DUS2: variants seen among roughly 807,000 people sequenced by gnomAD.
DUS2 encodes dihydrouridine synthase 2.
In DUS2, 52 loss-of-function variants were observed where a neutral mutation model predicts 71.3. The ratio of observed to expected loss-of-function variants is 0.73; its 90% CI spans 0.58 to 0.92. DUS2 has a LOEUF of 0.92. DUS2 is among the 40% of genes least tolerant of loss of function. The pLI is 0.00. For synonymous variants in DUS2, 204 were observed against 227.8 expected (o/e 0.90, Z 0.94); for missense variants, 558 against 622.6 (o/e 0.90, Z 1.10).
At chr16:68,078,244 A>G (rs1335073519) in intron 15 of DUS2, 1 of 604,492 alleles carries the variant, frequency 1.7e-6, no homozygotes, top group Non-Finnish European at 3.0e-6. Flanking sequence ...GGTCTGTGAC[A>G]GCTCCAGACA....
chr16:68,039,931 G>A (rs7190079), intron 3 of DUS2, among the ~76,000 whole-genome samples: 19,075 of 152,084 alleles, frequency 0.13, 1,307 homozygotes, highest in South Asian at 0.19. Flanking sequence ...GTAGCCTGAG[G>A]TGGAGGAAGC....
intron 8 of DUS2, among the ~76,000 whole-genome samples, chr16:68,063,819 G>A (rs903141759): frequency 2.0e-4 from 31 of 152,260 alleles, no homozygotes; most frequent in Admixed American, 3.3e-4. Context: ...CACCTCCTGG[G>A]TTCAAGTGAT....
intron 12 of DUS2, among the ~76,000 whole-genome samples, chr16:68,072,526 A>G (rs1054759650): frequency 1.3e-5 from 2 of 152,256 alleles, no homozygotes; most frequent in African/African-American, 4.8e-5. Context: ...GCGGCTTTCA[A>G]GCATAGGCAG....
chr16:68,052,966 AT>A (rs531432284), intron 4 of DUS2, among the ~76,000 whole-genome samples: 244 of 123,792 alleles, frequency 2.0e-3, no homozygotes, highest in East Asian at 5.0e-3. Context: ...TTGTTTCAAC[AT>A]TTTTTTTTTT....
At chr16:68,055,028 C>A (rs957857138) in intron 6 of DUS2, among the ~76,000 whole-genome samples, 9 of 149,160 alleles carry the variant, frequency 6.0e-5, no homozygotes, top group Non-Finnish European at 1.2e-4. Flanking sequence ...GGTGACCAAG[C>A]GAGACTCTGT....
chr16:68,038,102 A>C lies in DUS2; in HGVS notation c.79A>C (p.Met27Leu), dbSNP rs774127544. Residue 27 changes from methionine (M) to leucine (L), a missense_variant, in exon 3 of 17, where the codon ATG becomes CTG. Physicochemically the swap from Met to Leu is conservative, Grantham distance 15 (BLOSUM62 2). Transcript: ENST00000565263. The part of the protein sequence containing the change: ...APMVRVGTLP[M>L]RLLALDYGAD... ...AATGGTTCGGGTAGGGACTCTTCCAATGAGGCTGCTGGCCCTGGATTATGG... is the reference window on the plus strand; with the variant it reads ...AATGGTTCGGGTAGGGACTCTTCCACTGAGGCTGCTGGCCCTGGATTATGG... 1 of 1,613,864 alleles carries C rather than the reference A, an allele frequency of 6.2e-7. No individual in the cohort carries two copies. The highest frequency in any genetic ancestry group is 1.7e-5 in the Admixed American group (1 of 59,972).
At chr16:68,025,621 A>T (rs1233233837) in intron 2 of DUS2, 127 bp downstream of exon 2, 1 of 152,100 alleles carries the variant, frequency 6.6e-6, no homozygotes, top group African/African-American at 2.4e-5. Context: ...ATTTCACAGG[A>T]GTTAGAGCTT....
intron 7 of DUS2, among the ~76,000 whole-genome samples, chr16:68,058,227 C>CTT (rs112592553): frequency 2.8e-4 from 39 of 139,568 alleles, no homozygotes; most frequent in East Asian, 2.5e-3. Flanking sequence ...TATCTTTGGG[C>CTT]TTTTTTTTTT....
chr16:68,056,331 A>T, intron 6 of DUS2, 33 bp from the exon 7 acceptor site: 1 of 1,595,648 alleles, frequency 6.3e-7, no homozygotes, highest in Non-Finnish European at 8.6e-7. Flanking sequence ...CTAATTCAAT[A>T]CTTATTACCT....
In DUS2 at chr16:68,070,920, A is replaced by G. The variant is rs369287995; in HGVS notation, c.642-20A>G. ...AGGTTCCGTGATGGGGACACCCCTA[A>G]CCCTCTGGTTGCTTTTTAGCGGAGG... On this transcript the variant is annotated intron_variant, in intron 11 of 16. Coordinates refer to ENST00000565263, the MANE Select transcript of DUS2 (RefSeq NM_017803.5). 1 of 1,613,324 alleles carries G rather than the reference A, an allele frequency of 6.2e-7. No individual in the cohort carries two copies. The highest frequency in any genetic ancestry group is 8.5e-7 in the Non-Finnish European group (1 of 1,179,316).
Position 68,023,288 on chromosome 16 carries a change from C to G in DUS2, c.-162C>G. Reference sequence around the variant, plus strand: ...GTACGGTGGCTGGCGAGGCTCAGTACGGTGTGTGGAGCTGGAGCACCGTGA... The same window carrying G: ...GTACGGTGGCTGGCGAGGCTCAGTAGGGTGTGTGGAGCTGGAGCACCGTGA... On this transcript the variant is annotated 5_prime_UTR_variant, in exon 1 of 17. Coordinates refer to ENST00000565263, the MANE Select transcript of DUS2 (RefSeq NM_017803.5). The G allele has an allele frequency of 4.1e-6, 6 of 1,452,352 alleles. No homozygotes were observed. The highest frequency in any genetic ancestry group is 5.6e-6 in the Non-Finnish European group (6 of 1,077,454). 90.0% of individuals were successfully genotyped at this position (1,452,352 alleles called of 1,614,324 possible).
chr16:68,059,111 G>A (rs981968306), intron 7 of DUS2, among the ~76,000 whole-genome samples: 6 of 152,122 alleles, frequency 3.9e-5, no homozygotes, highest in African/African-American at 1.2e-4. Flanking sequence ...TACTTGGGAG[G>A]CTGAGGCAGG....
chr16:68,064,022 T>C (rs1447455452), intron 8 of DUS2, among the ~76,000 whole-genome samples: 6 of 152,188 alleles, frequency 3.9e-5, no homozygotes, highest in Non-Finnish European at 8.8e-5. Context: ...TTGTGTACAC[T>C]GTACTTGGGC....
chr16:68,046,331 A>G (rs2033700434), intron 3 of DUS2, among the ~76,000 whole-genome samples: 1 of 151,328 alleles, frequency 6.6e-6, no homozygotes, highest in African/African-American at 2.4e-5. Flanking sequence ...TTTGCTTAGG[A>G]TAACGGCTGC....
chr16:68,026,921 T>A (rs1401424512), intron 2 of DUS2: 1 of 151,178 alleles, frequency 6.6e-6, no homozygotes, highest in Non-Finnish European at 1.5e-5. Flanking sequence ...ATGTTACCCT[T>A]TGACTCAAAA....
chr16:68,038,878 ATC>A (rs2033576967), intron 3 of DUS2, among the ~76,000 whole-genome samples: 2 of 149,804 alleles, frequency 1.3e-5, no homozygotes, highest in South Asian at 4.2e-4. Flanking sequence ...GTGAGACTCT[ATC>A]TCTTTTTTTA....
intron 2 of DUS2, among the ~76,000 whole-genome samples, chr16:68,036,019 T>C (rs59067210): frequency 0.013 from 1,892 of 149,434 alleles, 38 homozygotes; most frequent in African/African-American, 0.044. Context: ...TATTTTTAGA[T>C]GGAGTTTTCC....
At chr16:68,041,810 C>G (rs1263445492) in intron 3 of DUS2, among the ~76,000 whole-genome samples, 1 of 56,560 alleles carries the variant, frequency 1.8e-5, no homozygotes, top group Admixed American at 2.0e-4. Context: ...AACTCTGTGT[C>G]AAAAAAAAAA....
intron 3 of DUS2, among the ~76,000 whole-genome samples, chr16:68,041,571 G>T (rs567103213): frequency 6.6e-6 from 1 of 152,220 alleles, no homozygotes; most frequent in Non-Finnish European, 1.5e-5. Context: ...CCAGCACTTT[G>T]GGAGGCCGAG....
Sources: gnomAD v4.1 joint callset for allele counts (sites outside exome capture counted in the v4.1 genomes callset) on GRCh38, gnomAD v4.1.1 for gene constraint, MANE v1.5 for transcripts, NCBI Gene and HGNC (gene_info 2026-07-23, HGNC 2026-07-21) for gene names.